The following FIP1L1 variants were observed in gnomAD, a reference collection of about 807,000 sequenced individuals.
The protein encoded by FIP1L1 is pre-mRNA 3'-end-processing factor FIP1.
FIP1L1 carries 21 observed loss-of-function variants against 84.6 expected under a neutral mutation model. The ratio of observed to expected loss-of-function variants is 0.25; its 90% CI spans 0.18 to 0.36. The LOEUF is 0.36. FIP1L1 is among the 10% of genes least tolerant of loss of function. The pLI is 1.00. For missense variants in FIP1L1, 526 were observed against 751.1 expected (o/e 0.70, Z 3.50); for synonymous variants, 263 against 242.3 (o/e 1.09, Z -0.80).
At position 53,399,777 on chromosome 4, in the gene FIP1L1, A is replaced by G. The variant is rs151105925; in HGVS notation, c.753A>G (p.Pro251=). Reference sequence around the variant, plus strand: ...ACTCAGAGAAAGAAACTGCCCTTCCATCTACAAAAGCTGAGTTTACTTCTC... The same window carrying G: ...ACTCAGAGAAAGAAACTGCCCTTCCGTCTACAAAAGCTGAGTTTACTTCTC... ...TGNSEKETAL[P]STKAEFTSPP... Residue 251 remains proline (P), a synonymous_variant, in exon 10 of 18, where the codon CCA becomes CCG. Coordinates refer to ENST00000337488, the MANE Select transcript of FIP1L1 (RefSeq NM_030917.4). 67 of 1,613,666 alleles carry G rather than the reference A, an allele frequency of 4.2e-5. 1 individual carries two copies. The highest frequency in any genetic ancestry group is 6.6e-5 in the South Asian group (6 of 91,076).
chr4:53,384,371 T>C (rs1739756404), intron 5 of FIP1L1, among the ~76,000 whole-genome samples: 1 of 151,868 alleles, frequency 6.6e-6, no homozygotes, highest in East Asian at 1.9e-4. Flanking sequence ...ATCGAGCCAC[T>C]GTACTCCAGC....
chr4:53,385,151 A>T (rs1004558790), intron 5 of FIP1L1, among the ~76,000 whole-genome samples: 1 of 152,192 alleles, frequency 6.6e-6, no homozygotes, highest in African/African-American at 2.4e-5. Flanking sequence ...ACTTAATGAG[A>T]AAGTTGGGCT....
At position 53,377,872 on chromosome 4, in the gene FIP1L1, G is replaced by A. The variant is rs767705874; in HGVS notation, c.34G>A (p.Glu12Lys). The A allele has an allele frequency of 6.2e-7, 1 of 1,602,562 alleles. No individual in the cohort carries two copies. The change falls in exon 1 of 18, where the codon GAG (glutamate) becomes AAG (lysine). Residue 12 changes from glutamate to lysine, a missense_variant. By Grantham distance (56) the Glu-to-Lys change is moderately conservative. Around this residue, in one of 6 missense-constraint regions of FIP1L1, gnomAD observed 100 missense variants for 107.2 expected, o/e 0.93. Coordinates refer to ENST00000337488, the MANE Select transcript of FIP1L1 (RefSeq NM_030917.4). ...SAGEVERLVS[E>K]LSGGTGGDEE... Reference sequence around the variant, plus strand: ...CGGCGAGGTCGAGCGCCTAGTGTCGGAGCTGAGCGGCGGGACCGGAGGGGA... The same window carrying A: ...CGGCGAGGTCGAGCGCCTAGTGTCGAAGCTGAGCGGCGGGACCGGAGGGGA...
In FIP1L1 at chr4:53,379,070, T is replaced by A; in HGVS notation, c.86-3T>A. On this transcript the variant is annotated splice_region_variant and splice_polypyrimidine_tract_variant and intron_variant, in intron 1 of 17. Transcript: ENST00000337488. ...GGTGATCTAACTTTGGATGTGCTTATAGGCCCATGGGACGTGCATGTGCAC... is the reference window on the plus strand; with the variant it reads ...GGTGATCTAACTTTGGATGTGCTTAAAGGCCCATGGGACGTGCATGTGCAC... The A allele has an allele frequency of 6.2e-7, 1 of 1,613,686 alleles. No individual in the cohort carries two copies. The highest frequency in any genetic ancestry group is 8.5e-7 in the Non-Finnish European group (1 of 1,179,910).
intron 6 of FIP1L1, 68 bp downstream of exon 6, chr4:53,389,941 CTT>C (rs139795310): frequency 3.5e-5 from 38 of 1,092,700 alleles, no homozygotes; most frequent in East Asian, 8.3e-5. Flanking sequence ...GTCTTAATAG[CTT>C]TTTTTTTTAG....
chr4:53,459,293 T>TC lies in FIP1L1; in HGVS notation c.1638-9_1638-8insC. On this transcript the variant is annotated splice_polypyrimidine_tract_variant and intron_variant, in intron 17 of 17. Transcript: ENST00000337488. ...AGAACACACCTTTTTTTTTTTTTTT[T>TC]TTTTCCAGTAATAGTAGACGTCGCC... 6.8e-7 allele frequency: 1 copy of TC among 1,480,692 alleles called. No individual in the cohort carries two copies. The highest frequency in any genetic ancestry group is 9.0e-7 in the Non-Finnish European group (1 of 1,114,122). The allele number at this position is 1,480,692 out of a possible 1,614,324, so 91.7% of individuals were successfully genotyped here. A position where few individuals can be genotyped will look rare whatever the true frequency, so the allele number is the denominator to read the frequency against.
chr4:53,383,698 C>G, intron 4 of FIP1L1, 75 bp from the exon 5 acceptor site: 2 of 1,369,678 alleles, frequency 1.5e-6, no homozygotes, highest in Non-Finnish European at 2.0e-6. Flanking sequence ...AGGGTGGTTA[C>G]TTTTTTTAGT....
At position 53,383,032 on chromosome 4, in the gene FIP1L1, T is replaced by G. The variant is rs866459546; in HGVS notation, c.228+697T>G. The stretch of plus-strand genomic sequence containing the variant: ...TATGCTTTGGGGTTTTTTTTTTTAA[T>G]TCTTTAATTGATTTGGTACATTGTA... On this transcript the variant is annotated intron_variant, in intron 4 of 17. Coordinates refer to ENST00000337488, the MANE Select transcript of FIP1L1 (RefSeq NM_030917.4). Among the ~76,000 whole-genome samples the G allele has an allele frequency of 2.6e-5, 4 of 152,080 alleles. No homozygotes were observed. In the Middle Eastern group the frequency reaches 0.014, roughly 517 times the overall value.
rs1404172904 is a variant in FIP1L1 at position 53,458,782 on chromosome 4, T to A, written c.1629T>A (p.Ser543=). 3 of 1,610,876 alleles carry A rather than the reference T, an allele frequency of 1.9e-6. No homozygotes were observed. In the South Asian group the frequency reaches 3.3e-5, roughly 18 times the overall value. Residue 543 remains serine (S), a synonymous_variant, in exon 17 of 18, where the codon TCT becomes TCA. Transcript: ENST00000337488. The part of the protein sequence containing the change: ...HREKEETRHK[S]SRSNSRRRHE... ...AGAAAGAGGAAACCAGACATAAGTCTTCTCGAAGGTTTGCTCTTTAATAAA... is the reference window on the plus strand; with the variant it reads ...AGAAAGAGGAAACCAGACATAAGTCATCTCGAAGGTTTGCTCTTTAATAAA...
Position 53,399,740 on chromosome 4 carries a change from G to A in FIP1L1, c.716G>A (p.Gly239Glu). 1 of 1,610,830 alleles carries A rather than the reference G, an allele frequency of 6.2e-7. No homozygotes were observed. Among genetic ancestry groups the A allele is most frequent in the Non-Finnish European group, 8.5e-7 (1 of 1,177,950 alleles). ...CCTTTTTTTTTTAAGGTACAGCAGG[G>A]AAGAACTGGAAACTCAGAGAAAGAA... is the stretch of plus-strand genomic sequence containing the variant. ...GRFNLFKVQQ[G>E]RTGNSEKETA... The change falls in exon 10 of 18, where the codon GGA (glycine) becomes GAA (glutamate). Residue 239 changes from glycine (G) to glutamate (E), a missense_variant. Gly to Glu is a moderately conservative substitution (Grantham distance 98). This residue lies in a region of FIP1L1 where 169 missense variants were observed against 206.9 expected (regional missense o/e 0.82). Coordinates refer to ENST00000337488, the MANE Select transcript of FIP1L1 (RefSeq NM_030917.4).
chr4:53,436,542 A>AT (rs1227168842), intron 13 of FIP1L1, among the ~76,000 whole-genome samples: 4 of 151,930 alleles, frequency 2.6e-5, no homozygotes, highest in Non-Finnish European at 4.4e-5. Flanking sequence ...ACATCCTTTG[A>AT]TTTTTTTTGT....
At chr4:53,455,951 T>C (rs1048390818) in intron 16 of FIP1L1, among the ~76,000 whole-genome samples, 1 of 152,118 alleles carries the variant, frequency 6.6e-6, no homozygotes, top group Non-Finnish European at 1.5e-5. Context: ...TGCGTGTGTG[T>C]GCATGAGTAT....
intron 11 of FIP1L1, among the ~76,000 whole-genome samples, chr4:53,418,369 A>G (rs1163893873): frequency 6.6e-5 from 10 of 152,234 alleles, no homozygotes; most frequent in Admixed American, 6.5e-4. Context: ...TTTGTATAAT[A>G]CAGTGTTTTC....
chr4:53,427,982 C>T (rs572625659), intron 12 of FIP1L1, 45 bp from the exon 13 acceptor site: 3 of 1,401,934 alleles, frequency 2.1e-6, no homozygotes, highest in East Asian at 4.7e-5. Context: ...ATTAATCTTA[C>T]ATAATATTTA....
At chr4:53,449,168 A>G (rs1338359343) in intron 15 of FIP1L1, among the ~76,000 whole-genome samples, 2 of 152,010 alleles carry the variant, frequency 1.3e-5, no homozygotes, top group Non-Finnish European at 2.9e-5. Context: ...TTAAATTATA[A>G]CAACATTATA....
chr4:53,408,211 A>G (rs1201922618), intron 10 of FIP1L1, among the ~76,000 whole-genome samples: 1 of 152,120 alleles, frequency 6.6e-6, no homozygotes, highest in Admixed American at 6.5e-5. Context: ...ATCTCTCAGC[A>G]TTTGCTTGTC....
At chr4:53,383,152 G>A (rs1331039666) in intron 4 of FIP1L1, among the ~76,000 whole-genome samples, 1 of 151,238 alleles carries the variant, frequency 6.6e-6, no homozygotes. Context: ...TATCTTGTAG[G>A]TATCTTAGTA....
chr4:53,453,545 A>G (rs1452049657), intron 16 of FIP1L1, among the ~76,000 whole-genome samples: 1 of 152,200 alleles, frequency 6.6e-6, no homozygotes, highest in Non-Finnish European at 1.5e-5. Context: ...TGGCATGATC[A>G]TAGCTCACTG....
At chr4:53,397,752 A>G (rs10019914) in intron 9 of FIP1L1, among the ~76,000 whole-genome samples, 19,770 of 152,196 alleles carry the variant, frequency 0.13, 2,561 homozygotes, top group African/African-American at 0.32. Flanking sequence ...TGTAAAGTTG[A>G]CATATTGGGT....
Sources: allele counts gnomAD v4.1 joint callset (sites outside exome capture counted in the v4.1 genomes callset), GRCh38; gene constraint gnomAD v4.1.1; regional missense constraint gnomAD v4.1.1; transcripts MANE v1.5; gene names NCBI Gene and HGNC (gene_info 2026-07-23, HGNC 2026-07-21).